The following TRIM69 variants were observed in gnomAD, a reference collection of about 807,000 sequenced individuals.
TRIM69 encodes the protein E3 ubiquitin-protein ligase TRIM69.
TRIM69 carries 29 observed loss-of-function variants against 37.7 expected under a neutral mutation model. The ratio of observed to expected loss-of-function variants is 0.77; its 90% CI spans 0.57 to 1.05. The LOEUF is 1.05. Among genes scored for constraint, TRIM69 ranks in the 50% least tolerant of loss-of-function variants. The pLI, the probability that TRIM69 is intolerant of heterozygous loss-of-function variation, is 0.00. For synonymous variants in TRIM69, 209 were observed against 212.4 expected, an observed-to-expected ratio of 0.98 and a Z score of 0.14; for missense variants, 596 against 579.9, an observed-to-expected ratio of 1.03 and a Z score of -0.28.
intron 1 of TRIM69, among the ~76,000 whole-genome samples, chr15:44,752,287 G>A (rs936376823): frequency 1.3e-5 from 2 of 151,912 alleles, no homozygotes; most frequent in Non-Finnish European, 1.5e-5. Flanking sequence ...GTATTTTGAG[G>A]CTCTGTTGTT....
chr15:44,762,227 A>G (rs2087791503), intron 6 of TRIM69, among the ~76,000 whole-genome samples: 1 of 152,040 alleles, frequency 6.6e-6, no homozygotes, highest in African/African-American at 2.4e-5. Flanking sequence ...CGGCCTCCCA[A>G]AGTACTGGGA....
chr15:44,761,195 G>GGT (rs1209501120), intron 6 of TRIM69, among the ~76,000 whole-genome samples: 21 of 152,180 alleles, frequency 1.4e-4, no homozygotes, highest in Non-Finnish European at 8.8e-5. Context: ...TGGGATTACA[G>GGT]GTATGAGCCA....
intron 3 of TRIM69, chr15:44,758,306 T>C (rs1252842460): frequency 2.6e-6 from 1 of 390,112 alleles, no homozygotes; most frequent in Non-Finnish European, 4.7e-6. Flanking sequence ...TCTAGGAGGG[T>C]ATTATCTTTC....
In TRIM69 at chr15:44,754,922, A is replaced by G. The variant is rs781343785; in HGVS notation, c.29A>G (p.Asn10Ser). 1 of 1,612,942 alleles carries G rather than the reference A, an allele frequency of 6.2e-7. No homozygotes were observed. Among genetic ancestry groups the G allele is most frequent in the East Asian group, 2.2e-5 (1 of 44,868 alleles). Residue 10 changes from asparagine to serine, a missense_variant, in exon 2 of 7, where the codon AAC becomes AGC. By Grantham distance (46) the Asn-to-Ser change is conservative (BLOSUM62 1). Transcript: ENST00000329464. MEVSTNPSS[N>S]IDPGDYVEMN... is the part of the protein sequence containing the mutation. Reference sequence around the variant, plus strand: ...AAGGTATCCACCAACCCCTCCTCCAACATCGATCCAGGCGACTATGTTGAA... The same window carrying G: ...AAGGTATCCACCAACCCCTCCTCCAGCATCGATCCAGGCGACTATGTTGAA...
chr15:44,759,941 G>A (rs940123239), intron 6 of TRIM69, 69 bp downstream of exon 6: 1 of 1,545,954 alleles, frequency 6.5e-7, no homozygotes, highest in Non-Finnish European at 8.8e-7. Context: ...GACTTCTTCT[G>A]TGGCCCTAAT....
intron 1 of TRIM69, among the ~76,000 whole-genome samples, chr15:44,751,306 G>A (rs1442703299): frequency 6.6e-6 from 1 of 151,970 alleles, no homozygotes; most frequent in Non-Finnish European, 1.5e-5. Flanking sequence ...AGTAGAGATG[G>A]GGTTTCACCA....
In TRIM69 at chr15:44,754,924, A is replaced by G. The variant is rs1566895526; in HGVS notation, c.31A>G (p.Ile11Val). The change falls in exon 2 of 7, where the codon ATC becomes GTC. Residue 11 changes from isoleucine to valine, a missense_variant. Transcript: ENST00000329464. MEVSTNPSSN[I>V]DPGDYVEMND... ...GGTATCCACCAACCCCTCCTCCAAC[A>G]TCGATCCAGGCGACTATGTTGAAAT... is the stretch of plus-strand genomic sequence containing the variant. 6.2e-7 allele frequency: 1 copy of G among 1,613,036 alleles called. No individual in the cohort carries two copies. The highest frequency in any genetic ancestry group is 8.5e-7 in the Non-Finnish European group (1 of 1,179,314).
chr15:44,738,938 G>A (rs1596011098), intron 1 of TRIM69, among the ~76,000 whole-genome samples: 1 of 152,014 alleles, frequency 6.6e-6, no homozygotes, highest in African/African-American at 2.4e-5. Context: ...TGAAAGTCAG[G>A]GGAATTGGCA....
At position 44,755,010 on chromosome 15, in the gene TRIM69, A is replaced by G; in HGVS notation, c.117A>G (p.Leu39=). Residue 39 remains leucine (L), a synonymous_variant, in exon 2 of 7, where the codon CTA becomes CTG. Transcript: ENST00000329464. ...KVVIQDITME[L]HCPLCNDWFR... is the part of the protein sequence containing the mutation. The stretch of plus-strand genomic sequence containing the variant: ...TGATACAAGATATTACTATGGAGCT[A>G]CACTGCCCTCTGTGCAATGATTGGT... 1 of 1,614,080 alleles carries G rather than the reference A, an allele frequency of 6.2e-7. No individual in the cohort carries two copies.
At chr15:44,756,513 C>T in intron 3 of TRIM69, 50 bp downstream of exon 3, 7 of 1,248,222 alleles carry the variant, frequency 5.6e-6, no homozygotes, top group Non-Finnish European at 8.0e-6. Flanking sequence ...ACACACCCTC[C>T]ATGTAACTTC....
At chr15:44,741,295 T>C (rs2087279800) in intron 1 of TRIM69, among the ~76,000 whole-genome samples, 1 of 152,024 alleles carries the variant, frequency 6.6e-6, no homozygotes, top group South Asian at 2.1e-4. Flanking sequence ...CATACCAGAA[T>C]CTCTGGGACA....
rs767701149 is a variant in TRIM69 at position 44,758,606 on chromosome 15, C to A, written c.580-15C>A. 3.7e-6 allele frequency: 6 copies of A among 1,613,686 alleles called. No homozygotes were observed. The highest frequency in any genetic ancestry group is 5.1e-6 in the Non-Finnish European group (6 of 1,179,844). Reference sequence around the variant, plus strand: ...TCTCTGCAATAACCATGGTGATAATCATGGAGGTTTCCAGGAAAACAAGCT... The same window carrying A: ...TCTCTGCAATAACCATGGTGATAATAATGGAGGTTTCCAGGAAAACAAGCT... On this transcript the variant is annotated splice_polypyrimidine_tract_variant and intron_variant, in intron 3 of 6. Coordinates refer to ENST00000329464, the MANE Select transcript of TRIM69 (RefSeq NM_182985.5).
chr15:44,743,069 A>G (rs1337296106), intron 1 of TRIM69, among the ~76,000 whole-genome samples: 1 of 152,174 alleles, frequency 6.6e-6, no homozygotes, highest in Non-Finnish European at 1.5e-5. Flanking sequence ...AAACTATACT[A>G]CAAGGCTACA....
chr15:44,755,958 G>A (rs977175196), intron 2 of TRIM69, among the ~76,000 whole-genome samples: 1 of 152,224 alleles, frequency 6.6e-6, no homozygotes, highest in Admixed American at 6.5e-5. Flanking sequence ...TATATAACTA[G>A]AGTGGAAAAT....
intron 6 of TRIM69, among the ~76,000 whole-genome samples, chr15:44,763,988 C>G (rs138971716): frequency 1.3e-5 from 2 of 152,198 alleles, no homozygotes; most frequent in African/African-American, 4.8e-5. Flanking sequence ...ATTGTTCAGT[C>G]TATTGATTTC....
At chr15:44,751,927 GTA>G (rs959006832) in intron 1 of TRIM69, among the ~76,000 whole-genome samples, 1 of 146,640 alleles carries the variant, frequency 6.8e-6, no homozygotes, top group Non-Finnish European at 1.5e-5. Context: ...TTTTCTTTTT[GTA>G]TTTTTGGTAG....
intron 6 of TRIM69, among the ~76,000 whole-genome samples, chr15:44,762,635 C>A (rs992484075): frequency 6.6e-6 from 1 of 151,962 alleles, no homozygotes; most frequent in African/African-American, 2.4e-5. Context: ...CATGGTCTAA[C>A]CTTCTGTTAA....
intron 1 of TRIM69, chr15:44,754,454 T>A (rs1288071193): frequency 1.9e-5 from 3 of 156,068 alleles, no homozygotes; most frequent in Non-Finnish European, 1.4e-5. Context: ...ATGTGTTTTT[T>A]TAAAAAGGAG....
At chr15:44,765,404 G>C (rs1014659839) in intron 6 of TRIM69, among the ~76,000 whole-genome samples, 16 of 152,160 alleles carry the variant, frequency 1.1e-4, no homozygotes, top group African/African-American at 3.6e-4. Flanking sequence ...AAAGTGAATG[G>C]GGATATGTAA....
Sources: allele counts gnomAD v4.1 joint callset (sites outside exome capture counted in the v4.1 genomes callset), GRCh38; gene constraint gnomAD v4.1.1; transcripts MANE v1.5; gene names NCBI Gene and HGNC (gene_info 2026-07-23, HGNC 2026-07-21).